The following EDIL3 variants were observed in gnomAD, a reference collection of about 807,000 sequenced individuals.
EDIL3 encodes the protein EGF like and discoidin domains 3.
EDIL3 carries 37 observed loss-of-function variants against 67.4 expected under a neutral mutation model. The ratio of observed to expected loss-of-function variants is 0.55; its 90% CI spans 0.42 to 0.72. The LOEUF (loss-of-function observed/expected upper bound fraction) is 0.72. Ranked by LOEUF, EDIL3 falls within the 30% of genes least tolerant of loss-of-function variation. EDIL3 has a pLI of 0.00. For synonymous variants in EDIL3, 195 were observed against 196.3 expected, an observed-to-expected ratio of 0.99 and a Z score of 0.05; for missense variants, 527 against 586.3, an observed-to-expected ratio of 0.90 and a Z score of 1.04.
chr5:84,330,610 T>C (rs1452888130), intron 1 of EDIL3, among the ~76,000 whole-genome samples: 5 of 152,184 alleles, frequency 3.3e-5, no homozygotes, highest in African/African-American at 9.7e-5. Context: ...ATATTTACAG[T>C]AGGGAGATAA....
rs552626128 is a variant in EDIL3 at position 84,133,929 on chromosome 5, A to G, written c.469+3312T>C. Among the ~76,000 whole-genome samples, 8 of 152,184 alleles carry G rather than the reference A, an allele frequency of 5.3e-5. No homozygotes were observed. The East Asian group carries it at 5.8e-4, about 11-fold the overall frequency. On this transcript the variant is annotated intron_variant, in intron 5 of 10. Transcript: ENST00000296591. ...TATGTATTATTGCCTTAACTCCCCT[A>G]TAAGTATAATTAGAAAATAATTACT...
intron 4 of EDIL3, among the ~76,000 whole-genome samples, chr5:84,157,889 C>T (rs1009332718): frequency 6.6e-6 from 1 of 151,928 alleles, no homozygotes; most frequent in African/African-American, 2.4e-5. Flanking sequence ...GAAAATAAAA[C>T]ACAACTTCAG....
intron 6 of EDIL3, among the ~76,000 whole-genome samples, chr5:84,091,914 C>T (rs995853550): frequency 3.9e-5 from 6 of 152,216 alleles, no homozygotes; most frequent in African/African-American, 1.4e-4. Context: ...ATTTTAATAC[C>T]TTTTGTTGAG....
chr5:84,149,938 G>C (rs1023914912), intron 4 of EDIL3, among the ~76,000 whole-genome samples: 3 of 151,992 alleles, frequency 2.0e-5, no homozygotes, highest in Admixed American at 6.6e-5. Flanking sequence ...AAAAATCTGG[G>C]CATCAGTGAT....
intron 9 of EDIL3, among the ~76,000 whole-genome samples, chr5:84,056,064 T>C (rs1310919863): frequency 6.6e-6 from 1 of 152,176 alleles, no homozygotes; most frequent in East Asian, 1.9e-4. Context: ...CCAACCCAAA[T>C]GTCCAACAAT....
intron 4 of EDIL3, among the ~76,000 whole-genome samples, chr5:84,160,769 C>T (rs1458288516): frequency 6.2e-4 from 32 of 51,844 alleles, no homozygotes; most frequent in African/African-American, 1.8e-3. Context: ...CCTTTCCTTT[C>T]CTTTCCTTTC....
intron 10 of EDIL3, among the ~76,000 whole-genome samples, chr5:83,944,192 ACTT>A (rs67292069): frequency 0.099 from 15,078 of 151,934 alleles, 1,017 homozygotes; most frequent in East Asian, 0.3. Context: ...CCTTTTGCCC[ACTT>A]CTTCTCACAT....
intron 4 of EDIL3, among the ~76,000 whole-genome samples, chr5:84,142,560 T>C (rs1430687465): frequency 6.6e-6 from 1 of 152,060 alleles, no homozygotes; most frequent in African/African-American, 2.4e-5. Context: ...CTCAGTAGTT[T>C]AGCTACATTT....
In EDIL3 at chr5:84,162,379, T is replaced by C. The variant is rs138559047; in HGVS notation, c.355+18014A>G. Among the ~76,000 whole-genome samples the C allele has an allele frequency of 3.7e-4, 57 of 152,204 alleles. No individual in the cohort carries two copies. In the East Asian group the frequency reaches 0.011, roughly 28 times the overall value. On this transcript the variant is annotated intron_variant, in intron 4 of 10. Transcript: ENST00000296591. ...AACTGGGAAGTGAGTTAAGGCGATA[T>C]TCTCTTCTCTCATTCCACCTTATCC...
At chr5:84,326,524 T>G (rs1746759883) in intron 1 of EDIL3, among the ~76,000 whole-genome samples, 1 of 149,496 alleles carries the variant, frequency 6.7e-6, no homozygotes, top group Non-Finnish European at 1.5e-5. Flanking sequence ...TAAAAATGGT[T>G]AGGATGGTAA....
At chr5:84,210,820 C>T (rs1487434298) in intron 3 of EDIL3, among the ~76,000 whole-genome samples, 2 of 152,090 alleles carry the variant, frequency 1.3e-5, no homozygotes, top group African/African-American at 4.8e-5. Context: ...ACTTTTTAAT[C>T]CAGAAATGCA....
intron 6 of EDIL3, among the ~76,000 whole-genome samples, chr5:84,074,788 T>C (rs1346305656): frequency 2.6e-5 from 4 of 152,158 alleles, no homozygotes; most frequent in Non-Finnish European, 5.9e-5. Context: ...GAAGTCAGTG[T>C]GGCGATTCCT....
intron 9 of EDIL3, among the ~76,000 whole-genome samples, chr5:84,042,438 T>G (rs1045734496): frequency 5.9e-5 from 9 of 151,996 alleles, no homozygotes; most frequent in African/African-American, 2.2e-4. Flanking sequence ...CCCGCCACCA[T>G]GCCTGGTTAA....
At chr5:84,153,562 A>C (rs1748437125) in intron 4 of EDIL3, among the ~76,000 whole-genome samples, 1 of 151,420 alleles carries the variant, frequency 6.6e-6, no homozygotes, top group Non-Finnish European at 1.5e-5. Context: ...TCCCAGGTTC[A>C]AGCAATTCTC....
chr5:84,160,937 T>C (rs532927252), intron 4 of EDIL3, among the ~76,000 whole-genome samples: 2 of 151,922 alleles, frequency 1.3e-5, no homozygotes, highest in African/African-American at 4.8e-5. Context: ...TGAGATTTGG[T>C]GCACCCATCA....
intron 3 of EDIL3, among the ~76,000 whole-genome samples, chr5:84,207,073 G>A (rs1178145525): frequency 3.3e-5 from 5 of 152,160 alleles, no homozygotes; most frequent in African/African-American, 4.8e-5. Flanking sequence ...AGGAAATAAA[G>A]TGTATTCAAT....
chr5:84,251,388 G>A (rs949453412), intron 2 of EDIL3, among the ~76,000 whole-genome samples: 6 of 150,198 alleles, frequency 4.0e-5, no homozygotes, highest in African/African-American at 1.5e-4. Context: ...TGGGATTACC[G>A]ACCAGCGTGA....
intron 1 of EDIL3, among the ~76,000 whole-genome samples, chr5:84,300,967 T>A (rs73144508): frequency 2.8e-3 from 431 of 151,654 alleles, no homozygotes; most frequent in African/African-American, 0.01. Context: ...TCATAAAATA[T>A]TTTAAAAATT....
chr5:84,208,571 C>T (rs1190176451), intron 3 of EDIL3, among the ~76,000 whole-genome samples: 3 of 149,290 alleles, frequency 2.0e-5, no homozygotes, highest in African/African-American at 4.9e-5. Flanking sequence ...CCCAGCTACT[C>T]GGGAGGCTGA....
Sources: gnomAD v4.1 joint callset for allele counts (sites outside exome capture counted in the v4.1 genomes callset) on GRCh38, gnomAD v4.1.1 for gene constraint, MANE v1.5 for transcripts, NCBI Gene and HGNC (gene_info 2026-07-23, HGNC 2026-07-21) for gene names.